SLC22A23: variants seen among roughly 807,000 people sequenced by gnomAD.
SLC22A23 encodes the protein ion transporter protein.
A neutral mutation model predicts 61.0 loss-of-function variants in SLC22A23; 26 were observed. That is an observed-to-expected ratio of 0.43 (90% CI 0.31 to 0.59). SLC22A23 has a LOEUF of 0.59. SLC22A23 is among the 20% of genes least tolerant of loss of function. The pLI is 0.11. For missense variants in SLC22A23, 796 were observed against 934.7 expected, an observed-to-expected ratio of 0.85 and a Z score of 1.94; for synonymous variants, 430 against 413.9, an observed-to-expected ratio of 1.04 and a Z score of -0.47.
intron 3 of SLC22A23, among the ~76,000 whole-genome samples, chr6:3,359,189 C>G (rs531341991): frequency 6.6e-6 from 1 of 151,952 alleles, no homozygotes; most frequent in African/African-American, 2.4e-5. Flanking sequence ...AGAAGGAGAG[C>G]GAGGAACATG....
At chr6:3,355,038 A>T (rs1165256431) in intron 3 of SLC22A23, among the ~76,000 whole-genome samples, 1 of 152,030 alleles carries the variant, frequency 6.6e-6, no homozygotes, top group Non-Finnish European at 1.5e-5. Flanking sequence ...ACAATAAAAG[A>T]TATTCCTACT....
intron 3 of SLC22A23, among the ~76,000 whole-genome samples, chr6:3,385,346 C>T (rs1262129581): frequency 6.6e-6 from 1 of 152,000 alleles, no homozygotes; most frequent in Non-Finnish European, 1.5e-5. Context: ...AATCCTGTCT[C>T]TACTAAAAAT....
chr6:3,384,517 C>G (rs1189634727), intron 3 of SLC22A23, among the ~76,000 whole-genome samples: 1 of 152,150 alleles, frequency 6.6e-6, no homozygotes, highest in Non-Finnish European at 1.5e-5. Context: ...AATCACGGAA[C>G]AGAGCTGCCT....
intron 1 of SLC22A23, among the ~76,000 whole-genome samples, chr6:3,423,281 T>C (rs1399347669): frequency 7.3e-6 from 1 of 136,814 alleles, no homozygotes; most frequent in Non-Finnish European, 1.6e-5. Flanking sequence ...AAAAATACAA[T>C]GAGTCACTTT....
At chr6:3,405,543 T>C (rs950346538) in intron 3 of SLC22A23, among the ~76,000 whole-genome samples, 2 of 152,144 alleles carry the variant, frequency 1.3e-5, no homozygotes, top group Non-Finnish European at 2.9e-5. Flanking sequence ...CCATTTCTAG[T>C]TGACATCGGC....
intron 1 of SLC22A23, among the ~76,000 whole-genome samples, chr6:3,418,218 A>G (rs4959238): frequency 0.36 from 55,251 of 152,106 alleles, 10,234 homozygotes; most frequent in East Asian, 0.47. Flanking sequence ...TGCCGGGGAG[A>G]AGGGCACCAG....
intron 3 of SLC22A23, among the ~76,000 whole-genome samples, chr6:3,391,068 C>T (rs779819214): frequency 2.0e-5 from 3 of 152,288 alleles, no homozygotes; most frequent in African/African-American, 4.8e-5. Context: ...CCTTCTCTCA[C>T]GGAGCTACAA....
rs188658713 is a variant in SLC22A23 at position 3,339,593 on chromosome 6, G to T, written c.914-15591C>A. Among the ~76,000 whole-genome samples, 26 of 152,280 alleles carry T rather than the reference G, an allele frequency of 1.7e-4. 1 individual carries two copies. Among genetic ancestry groups the T allele is most frequent in the African/African-American group, 6.0e-4 (25 of 41,538 alleles). On this transcript the variant is annotated intron_variant, in intron 3 of 9. Coordinates refer to ENST00000406686, the MANE Select transcript of SLC22A23 (RefSeq NM_015482.2). ...TCATAAAGACCTTACTGATAAAACAGGTTGCAGTAAAGGAGCCGGCCAAAA... is the reference window on the plus strand; with the variant it reads ...TCATAAAGACCTTACTGATAAAACATGTTGCAGTAAAGGAGCCGGCCAAAA...
chr6:3,401,029 A>G (rs1392649578), intron 3 of SLC22A23, among the ~76,000 whole-genome samples: 2 of 152,238 alleles, frequency 1.3e-5, no homozygotes, highest in African/African-American at 2.4e-5. Flanking sequence ...ATATATCACT[A>G]AATTGTGCAC....
In SLC22A23 at chr6:3,361,058, A is replaced by G. The variant is rs112237899; in HGVS notation, c.914-37056T>C. Among the ~76,000 whole-genome samples the G allele has an allele frequency of 3.4e-4, 21 of 61,372 alleles. 1 individual carries two copies. The highest frequency in any genetic ancestry group is 1.3e-3 in the Admixed American group (9 of 7,154). 40.3% of individuals were successfully genotyped at this position (61,372 alleles called of 152,430 possible). The stretch of plus-strand genomic sequence containing the variant: ...GTTTGTATATTTTCTATTTCTACCC[A>G]CCCCCCCCATTTTATGCCTGACCCC... On this transcript the variant is annotated intron_variant, in intron 3 of 9. Coordinates refer to ENST00000406686, the MANE Select transcript of SLC22A23 (RefSeq NM_015482.2).
rs1398780965 is a variant in SLC22A23 at position 3,279,803 on chromosome 6, A to G, written c.1703+4049T>C. Among the ~76,000 whole-genome samples, 3 of 152,154 alleles carry G rather than the reference A, an allele frequency of 2.0e-5. 1 individual carries two copies. Among genetic ancestry groups the G allele is most frequent in the Admixed American group, 6.6e-5 (1 of 15,266 alleles). On this transcript the variant is annotated intron_variant, in intron 9 of 9. Transcript: ENST00000406686. Reference sequence around the variant, plus strand: ...TTTACGGACAGAGAACCGAGGGCGCACACTGCCTCCTTGGGCTTTAGGAGC... The same window carrying G: ...TTTACGGACAGAGAACCGAGGGCGCGCACTGCCTCCTTGGGCTTTAGGAGC...
At position 3,456,122 on chromosome 6, in the gene SLC22A23, G is replaced by A. The variant is rs1228954876; in HGVS notation, c.438C>T (p.Gly146=). 2 of 1,550,940 alleles carry A rather than the reference G, an allele frequency of 1.3e-6. No individual in the cohort carries two copies. The highest frequency in any genetic ancestry group is 4.9e-5 in the East Asian group (2 of 40,964). Residue 146 remains glycine (G), a synonymous_variant, in exon 1 of 10, where the codon GGC becomes GGT. Transcript: ENST00000406686. This position sits in a 1 kb window ranked among gnomAD's most constrained non-coding sequence, Gnocchi z 7.1. ...ELAGVTTTGR[G]GDMGNWTSLP... is the part of the protein sequence containing the mutation. ...GGCTGGTCCAGTTGCCCATGTCCCCGCCCCGGCCTGTGGTGGTGACCCCTG... is the reference window on the plus strand; with the variant it reads ...GGCTGGTCCAGTTGCCCATGTCCCCACCCCGGCCTGTGGTGGTGACCCCTG...
At chr6:3,452,430 C>CA (rs1411074986) in intron 1 of SLC22A23, among the ~76,000 whole-genome samples, 7 of 151,372 alleles carry the variant, frequency 4.6e-5, no homozygotes, top group Admixed American at 6.6e-5. Context: ...CCCCTCTCTA[C>CA]AAAAAAATAA....
At chr6:3,344,929 A>AAT (rs1554141860) in intron 3 of SLC22A23, among the ~76,000 whole-genome samples, 1 of 151,618 alleles carries the variant, frequency 6.6e-6, no homozygotes, top group African/African-American at 2.4e-5. Context: ...CCTAGTCTTG[A>AAT]TGTTCAAGAA....
intron 3 of SLC22A23, among the ~76,000 whole-genome samples, chr6:3,369,638 C>T (rs1285393290): frequency 1.3e-5 from 2 of 150,406 alleles, no homozygotes; most frequent in East Asian, 1.9e-4. Flanking sequence ...TTGCAGTGAG[C>T]CAAGATTGTG....
rs1763418029 is a variant in SLC22A23 at position 3,328,757 on chromosome 6, A to G, written c.914-4755T>C. On this transcript the variant is annotated intron_variant, in intron 3 of 9. Coordinates refer to ENST00000406686, the MANE Select transcript of SLC22A23 (RefSeq NM_015482.2). This position sits in a 1 kb window ranked among gnomAD's most constrained non-coding sequence, Gnocchi z 5.0. ...CCACCCCTCACAGTCGTGTGGGCCA[A>G]TTCCTCGCAGAAAATCTCTAAATAT... Among the ~76,000 whole-genome samples, 1 of 152,048 alleles carries G rather than the reference A, an allele frequency of 6.6e-6. No homozygotes were observed. The highest frequency in any genetic ancestry group is 1.5e-5 in the Non-Finnish European group (1 of 68,002).
intron 5 of SLC22A23, among the ~76,000 whole-genome samples, chr6:3,293,369 A>C (rs969864557): frequency 3.4e-4 from 51 of 152,170 alleles, no homozygotes; most frequent in African/African-American, 1.1e-3. Flanking sequence ...CCGTGTTGGG[A>C]AGTAGAAAAA....
In SLC22A23 at chr6:3,455,888, G is replaced by C; in HGVS notation, c.654+18C>G. On this transcript the variant is annotated intron_variant, in intron 1 of 9. Coordinates refer to ENST00000406686, the MANE Select transcript of SLC22A23 (RefSeq NM_015482.2). Reference sequence around the variant, plus strand: ...TGCAGGGAGAGGGTTGGAGGGACTGGGCGGCTGCGGCCCTTACCTTGCTGA... The same window carrying C: ...TGCAGGGAGAGGGTTGGAGGGACTGCGCGGCTGCGGCCCTTACCTTGCTGA... The C allele has an allele frequency of 1.4e-6, 2 of 1,480,712 alleles. No individual in the cohort carries two copies. The highest frequency in any genetic ancestry group is 1.4e-5 in the African/African-American group (1 of 71,970). 91.7% of individuals were successfully genotyped at this position (1,480,712 alleles called of 1,614,324 possible).
rs937347297 is a variant in SLC22A23, at chr6:3,269,922, TTC to T, written c.*3131_*3132del. The T allele has an allele frequency of 1.5e-4, 23 of 152,968 alleles. No individual in the cohort carries two copies. The highest frequency in any genetic ancestry group is 3.9e-4 in the Admixed American group (6 of 15,312). The allele number at this position is 152,968 out of a possible 1,614,324, so 9.5% of individuals were successfully genotyped here. A position where few individuals can be genotyped will look rare whatever the true frequency, so the allele number is the denominator to read the frequency against. Reference sequence around the variant, plus strand: ...CTTACGAGGTTTGTTTTTGTTTTCTTTCTGTTCTGTAGCCAAACCAATTTACC... The same window carrying T: ...CTTACGAGGTTTGTTTTTGTTTTCTTTGTTCTGTAGCCAAACCAATTTACC... On this transcript the variant is annotated 3_prime_UTR_variant, in exon 10 of 10. Coordinates refer to ENST00000406686, the MANE Select transcript of SLC22A23 (RefSeq NM_015482.2).
Sources: allele counts gnomAD v4.1 joint callset (sites outside exome capture counted in the v4.1 genomes callset), GRCh38; gene constraint gnomAD v4.1.1; non-coding constraint Gnocchi (gnomAD v3.1); transcripts MANE v1.5; gene names NCBI Gene and HGNC (gene_info 2026-07-23, HGNC 2026-07-21).